PLK4: variants seen among roughly 807,000 people sequenced by gnomAD.
PLK4 encodes serine/threonine-protein kinase PLK4.
PLK4 carries 51 observed loss-of-function variants against 103.0 expected under a neutral mutation model. The observed-to-expected ratio is 0.50, with a 90% confidence interval of 0.40 to 0.63. The LOEUF is 0.63. Ranked by LOEUF, PLK4 falls within the 20% of genes least tolerant of loss-of-function variation. PLK4 has a pLI of 0.00. For missense variants in PLK4, 1,054 were observed against 1,151.0 expected (o/e 0.92, Z 1.22); for synonymous variants, 389 against 376.8 (o/e 1.03, Z -0.38).
Position 127,886,554 on chromosome 4 carries a change from C to A in PLK4, c.1184C>A (p.Thr395Lys), listed in dbSNP as rs757899861. ...AGTCAGTCTCAAGCAAAAACATATA[C>A]AATGGAACGATGTCACTCAGCAGAA... ...SNSQSQAKTYTMERCHSAEML... is the reference protein window; with the variant it reads ...SNSQSQAKTYKMERCHSAEML... Residue 395 changes from threonine (T) to lysine (K), a missense_variant, in exon 5 of 16, where the codon ACA becomes AAA. Transcript: ENST00000270861. The A allele has an allele frequency of 6.2e-7, 1 of 1,614,008 alleles. No homozygotes were observed. The highest frequency in any genetic ancestry group is 8.5e-7 in the Non-Finnish European group (1 of 1,179,952).
intron 2 of PLK4, among the ~76,000 whole-genome samples, chr4:127,882,792 T>C (rs1257170411): frequency 6.6e-6 from 1 of 151,890 alleles, no homozygotes; most frequent in Non-Finnish European, 1.5e-5. Flanking sequence ...TGGTGGCATG[T>C]GCCTGTGGTC....
At position 127,883,423 on chromosome 4, in the gene PLK4, C is replaced by A; in HGVS notation, c.223-16C>A. The stretch of plus-strand genomic sequence containing the variant: ...TTTTTGTATATTTTAATTTATTATG[C>A]CCTTTCACATTTCAGCTTTATAACT... On this transcript the variant is annotated splice_polypyrimidine_tract_variant and intron_variant, in intron 3 of 15. Transcript: ENST00000270861. The A allele has an allele frequency of 7.2e-7, 1 of 1,392,212 alleles. No individual in the cohort carries two copies. The highest frequency in any genetic ancestry group is 1.0e-6 in the Non-Finnish European group (1 of 982,802). 86.2% of individuals were successfully genotyped at this position (1,392,212 alleles called of 1,614,324 possible).
At chr4:127,892,545 C>T (rs1208972999) in intron 10 of PLK4, 31 bp downstream of exon 10, 1 of 1,570,274 alleles carries the variant, frequency 6.4e-7, no homozygotes, top group African/African-American at 1.4e-5. Flanking sequence ...GTAATTTGTT[C>T]CTTTAGTTTG....
In PLK4 at chr4:127,892,724, A is replaced by G. The variant is rs1387467714; in HGVS notation, c.2188+210A>G. 19 of 399,938 alleles carry G rather than the reference A, an allele frequency of 4.8e-5. No individual in the cohort carries two copies. In the East Asian group the frequency reaches 8.5e-4, roughly 18 times the overall value. 24.8% of individuals were successfully genotyped at this position (399,938 alleles called of 1,614,324 possible). On this transcript the variant is annotated intron_variant, in intron 10 of 15. Transcript: ENST00000270861. Reference sequence around the variant, plus strand: ...TTAAACAATTTATCCTATAATATGTATATTAGTCCTCTTTTTCTACTTAGC... The same window carrying G: ...TTAAACAATTTATCCTATAATATGTGTATTAGTCCTCTTTTTCTACTTAGC...
chr4:127,882,672 C>T (rs866371889), intron 2 of PLK4, among the ~76,000 whole-genome samples: 1 of 152,230 alleles, frequency 6.6e-6, no homozygotes, highest in African/African-American at 2.4e-5. Flanking sequence ...GCAGGAGAAT[C>T]GCTTGAACCC....
intron 13 of PLK4, 104 bp from the exon 14 acceptor site, chr4:127,894,849 A>T: frequency 5.5e-6 from 4 of 726,006 alleles, no homozygotes; most frequent in Non-Finnish European, 8.1e-6. Context: ...GTTTGTTTTT[A>T]AAAAAATTAA....
In PLK4 at chr4:127,895,040, TCAG is replaced by T. The variant is rs752548581; in HGVS notation, c.2653_2655del (p.Ala885del). The T allele has an allele frequency of 3.1e-6, 5 of 1,612,728 alleles. No homozygotes were observed. The South Asian group carries it at 3.3e-5, about 11-fold the overall frequency. ...TAGTCTAAAAGATTGTCTTCCTAAA[TCAG>T]CACAACTTTTGAAATCTGTTTTTGT... On this transcript the variant is annotated inframe_deletion, in exon 14 of 16. Coordinates refer to ENST00000270861, the MANE Select transcript of PLK4 (RefSeq NM_014264.5).
intron 2 of PLK4, among the ~76,000 whole-genome samples, chr4:127,882,544 G>C (rs1256008761): frequency 6.6e-6 from 1 of 152,152 alleles, no homozygotes; most frequent in East Asian, 1.9e-4. Flanking sequence ...TGGATCACCT[G>C]AGGTCGGTAG....
Position 127,891,621 on chromosome 4 carries a change from G to A in PLK4, c.1978G>A (p.Ala660Thr). 2 of 1,559,742 alleles carry A rather than the reference G, an allele frequency of 1.3e-6. No homozygotes were observed. Among genetic ancestry groups the A allele is most frequent in the Non-Finnish European group, 1.7e-6 (2 of 1,147,980 alleles). ...AAATGGTGGTAGAGGTTTTCCTCTT[G>A]CTGATAGACCACCCTCACCTACTGA... ...YPNGGRGFPL[A>T]DRPPSPTDNI... Residue 660 changes from alanine (A) to threonine (T), a missense_variant, in exon 9 of 16, where the codon GCT (alanine) becomes ACT (threonine). Physicochemically the swap from Ala to Thr is moderately conservative, Grantham distance 58. Coordinates refer to ENST00000270861, the MANE Select transcript of PLK4 (RefSeq NM_014264.5).
At chr4:127,896,265 G>A (rs1004811276) in intron 14 of PLK4, among the ~76,000 whole-genome samples, 5 of 152,176 alleles carry the variant, frequency 3.3e-5, no homozygotes, top group African/African-American at 1.2e-4. Flanking sequence ...AAGCCTAGGT[G>A]TGTTTGATTT....
In PLK4 at chr4:127,893,414, A is replaced by G. The variant is rs1384198987; in HGVS notation, c.2318A>G (p.Asn773Ser). 5 of 1,605,776 alleles carry G rather than the reference A, an allele frequency of 3.1e-6. No individual in the cohort carries two copies. The South Asian group carries it at 4.5e-5, about 14-fold the overall frequency. The change falls in exon 11 of 16, where the codon AAT (asparagine) becomes AGT (serine). Residue 773 changes from asparagine (N) to serine (S), a missense_variant. By Grantham distance (46) the Asn-to-Ser change is conservative. Coordinates refer to ENST00000270861, the MANE Select transcript of PLK4 (RefSeq NM_014264.5). ...EEIKMYMDHANEGHRICLALE... is the reference protein window; with the variant it reads ...EEIKMYMDHASEGHRICLALE... ...ATAAAAATGTATATGGACCATGCTA[A>G]TGAGGTACATACCTAATTGTAGGTT... is the stretch of plus-strand genomic sequence containing the variant.
At chr4:127,892,324 C>A (rs905184436) in intron 9 of PLK4, 41 bp from the exon 10 acceptor site, 1 of 1,319,596 alleles carries the variant, frequency 7.6e-7, no homozygotes. Flanking sequence ...TATGTCAGGT[C>A]AACACTTTCT....
Position 127,891,083 on chromosome 4 carries a change from T to G in PLK4, c.1831-9T>G, listed in dbSNP as rs745839971. On this transcript the variant is annotated splice_polypyrimidine_tract_variant and intron_variant, in intron 7 of 15. Transcript: ENST00000270861. ...ATTATTACTGATTTTGGGTTTTTTT[T>G]TTTTTTAGGTGAGCATACTTGATTC... The G allele has an allele frequency of 7.4e-5, 111 of 1,503,494 alleles. 1 individual carries two copies. The Admixed American group carries it at 1.0e-3, about 14-fold the overall frequency. The allele number at this position is 1,503,494 out of a possible 1,614,324, so 93.1% of individuals were successfully genotyped here.
intron 1 of PLK4, 183 bp downstream of exon 1, chr4:127,881,347 A>G (rs1403134817): frequency 7.6e-6 from 11 of 1,453,610 alleles, no homozygotes; most frequent in Non-Finnish European, 9.9e-6. Context: ...CCCTCAAGAG[A>G]CAAGAGTAGG....
At position 127,883,522 on chromosome 4, in the gene PLK4, G is replaced by A; in HGVS notation, c.306G>A (p.Lys102=). The change falls in exon 4 of 16, where the codon AAG becomes AAA. Residue 102 remains lysine (K), a synonymous_variant. Transcript: ENST00000270861. ...CHNGEMNRYL[K]NRVKPFSENE... is the part of the protein sequence containing the mutation. ...ATGGAGAAATGAACAGGTATCTAAA[G>A]AATAGAGTGAAACCCTTCTCAGAAA... 6.5e-7 allele frequency: 1 copy of A among 1,528,194 alleles called. No homozygotes were observed. The highest frequency in any genetic ancestry group is 9.1e-7 in the Non-Finnish European group (1 of 1,103,718). 94.7% of individuals were successfully genotyped at this position (1,528,194 alleles called of 1,614,324 possible). A position where few individuals can be genotyped will look rare whatever the true frequency, so the allele number is the denominator to read the frequency against.
At chr4:127,881,312 G>C (rs1394943184) in intron 1 of PLK4, 148 bp downstream of exon 1, 2 of 1,514,870 alleles carry the variant, frequency 1.3e-6, no homozygotes, top group East Asian at 4.9e-5. Flanking sequence ...CCAGACCCCT[G>C]CTGTTTAGGG....
At chr4:127,888,820 AAC>A (rs1735243220) in intron 6 of PLK4, among the ~76,000 whole-genome samples, 1 of 152,194 alleles carries the variant, frequency 6.6e-6, no homozygotes, top group Non-Finnish European at 1.5e-5. Flanking sequence ...AAAAGCAAAT[AAC>A]ACAGCTGTAA....
At chr4:127,894,309 C>T (rs1262389309) in intron 13 of PLK4, among the ~76,000 whole-genome samples, 2 of 152,132 alleles carry the variant, frequency 1.3e-5, no homozygotes, top group Non-Finnish European at 2.9e-5. Flanking sequence ...TCACTGCAAG[C>T]TCCACCTCCT....
intron 6 of PLK4, among the ~76,000 whole-genome samples, chr4:127,888,175 C>A (rs1735209962): frequency 1.3e-4 from 1 of 7,664 alleles, no homozygotes; most frequent in South Asian, 8.8e-3. Flanking sequence ...GCTAGACTGT[C>A]TCAAAAAAAA....
Sources: gnomAD v4.1 joint callset for allele counts (sites outside exome capture counted in the v4.1 genomes callset) on GRCh38, gnomAD v4.1.1 for gene constraint, MANE v1.5 for transcripts, NCBI Gene and HGNC (gene_info 2026-07-23, HGNC 2026-07-21) for gene names.